KIF4A: variants seen among roughly 807,000 people sequenced by gnomAD.
KIF4A encodes chromosome-associated kinesin KIF4A.
In KIF4A, 7 loss-of-function variants were observed where a neutral mutation model predicts 105.9. The ratio of observed to expected loss-of-function variants is 0.07; its 90% confidence interval spans 0.04 to 0.12. The LOEUF is 0.12. Ranked by LOEUF, KIF4A falls within the 10% of genes least tolerant of loss-of-function variation. The pLI, the probability that KIF4A is intolerant of heterozygous loss-of-function variation, is 1.00. For missense variants in KIF4A, 558 were observed against 929.2 expected (o/e 0.60, Z 5.19); for synonymous variants, 281 against 331.3 (o/e 0.85, Z 1.65).
chrX:70,290,197 T>A (rs2085752085), intron 1 of KIF4A, 47 bp downstream of exon 1: 5 of 316,953 alleles, frequency 1.6e-5, no homozygotes, highest in Non-Finnish European at 2.7e-5. Context: ...TTTTACCCAG[T>A]ACCCTAGGGC....
In KIF4A at chrX:70,420,412, T is replaced by C; in HGVS notation, c.*147T>C. The C allele has an allele frequency of 1.2e-6, 1 of 852,214 alleles. No individual in the cohort carries two copies. The allele number at this position is 852,214 out of a possible 1,213,427, so 70.2% of individuals were successfully genotyped here. A position where few individuals can be genotyped will look rare whatever the true frequency, so the allele number is the denominator to read the frequency against. ...AAGCGTTACTGAAAAGAAGGTAACC[T>C]TTGTTGGATGTGGGCCTTAGCCTCC... On this transcript the variant is annotated 3_prime_UTR_variant, in exon 31 of 31. Transcript: ENST00000374403.
Position 70,368,490 on chromosome X carries a change from A to C in KIF4A, c.1675-5661A>C, listed in dbSNP as rs755487823. On this transcript the variant is annotated intron_variant, in intron 15 of 30. Coordinates refer to ENST00000374403, the MANE Select transcript of KIF4A (RefSeq NM_012310.5). ...ACAGTCAAGACCCTTAGCTGCAGGT[A>C]TGTTGGAGTTTGCTGGAGGTCCACT... Among the ~76,000 whole-genome samples the C allele has an allele frequency of 4.5e-5, 5 of 112,215 alleles. No individual in the cohort carries two copies. The East Asian group carries it at 1.4e-3, about 32-fold the overall frequency.
At chrX:70,348,860 G>A (rs778776995) in intron 13 of KIF4A, among the ~76,000 whole-genome samples, 105 of 112,284 alleles carry the variant, frequency 9.4e-4, no homozygotes, top group South Asian at 3.7e-3. Context: ...CTCAATGGTC[G>A]CTGTCTCTTC....
intron 7 of KIF4A, among the ~76,000 whole-genome samples, chrX:70,311,778 T>A (rs974258008): frequency 1.8e-5 from 2 of 109,156 alleles, no homozygotes; most frequent in African/African-American, 6.7e-5. Context: ...CTGAGCAACA[T>A]AGCGAGACCC....
intron 7 of KIF4A, 106 bp downstream of exon 7, chrX:70,302,504 C>A: frequency 1.3e-6 from 1 of 769,893 alleles, no homozygotes. Context: ...CTAACAGTAG[C>A]TACGATTCAG....
chrX:70,392,859 A>G (rs2147732558), intron 20 of KIF4A, among the ~76,000 whole-genome samples: 1 of 105,393 alleles, frequency 9.5e-6, no homozygotes, highest in Non-Finnish European at 1.9e-5. Flanking sequence ...AATAATAATA[A>G]TTATTATTAT....
At chrX:70,348,349 G>A (rs865935208) in intron 13 of KIF4A, among the ~76,000 whole-genome samples, 59 of 111,285 alleles carry the variant, frequency 5.3e-4, no homozygotes, top group African/African-American at 1.8e-3. Context: ...AAAGTTTTTT[G>A]TTTTTTTGTT....
At chrX:70,367,615 G>T (rs1469522402) in intron 15 of KIF4A, among the ~76,000 whole-genome samples, 1 of 112,277 alleles carries the variant, frequency 8.9e-6, no homozygotes, top group African/African-American at 3.2e-5. Flanking sequence ...TCTGCCAAGA[G>T]ATCAGCTGTT....
At chrX:70,349,501 G>A (rs767894756) in intron 13 of KIF4A, among the ~76,000 whole-genome samples, 22 of 99,943 alleles carry the variant, frequency 2.2e-4, no homozygotes, top group African/African-American at 7.1e-4. Context: ...CAGACGGGGC[G>A]GCTGCCGGGC....
At chrX:70,304,398 A>G (rs1242696315) in intron 7 of KIF4A, among the ~76,000 whole-genome samples, 2 of 99,008 alleles carry the variant, frequency 2.0e-5, no homozygotes, top group Admixed American at 1.1e-4. Flanking sequence ...TGCAATAAAC[A>G]TATGTGTGCA....
intron 22 of KIF4A, chrX:70,396,352 G>A (rs899080955): frequency 2.5e-5 from 4 of 158,444 alleles, no homozygotes; most frequent in South Asian, 3.2e-4. Flanking sequence ...CAACCCCCTC[G>A]CTGCTAAATT....
intron 3 of KIF4A, among the ~76,000 whole-genome samples, chrX:70,296,632 A>G: frequency 8.9e-6 from 1 of 112,427 alleles, no homozygotes; most frequent in Non-Finnish European, 1.9e-5. Context: ...TAATTTCTGT[A>G]ATTTAAAATT....
chrX:70,353,106 A>G (rs2086037810), intron 14 of KIF4A, among the ~76,000 whole-genome samples: 1 of 112,584 alleles, frequency 8.9e-6, no homozygotes, highest in East Asian at 2.8e-4. Flanking sequence ...TCACAAGGAT[A>G]GATAAAATGT....
Position 70,420,352 on chromosome X carries a change from G to A in KIF4A, c.*87G>A, listed in dbSNP as rs181098670. The A allele has an allele frequency of 5.0e-5, 53 of 1,064,948 alleles. No homozygotes were observed. In the African/African-American group the frequency reaches 7.2e-4, roughly 15 times the overall value. 87.8% of individuals were successfully genotyped at this position (1,064,948 alleles called of 1,213,427 possible). A position where few individuals can be genotyped will look rare whatever the true frequency, so the allele number is the denominator to read the frequency against. ...AAGGGGTTTTTTAAATGACTTCTCT[G>A]GATTTCAGGTTTCTTGCTGTTGAAA... On this transcript the variant is annotated 3_prime_UTR_variant, in exon 31 of 31. Transcript: ENST00000374403.
chrX:70,319,000 C>T (rs765108638), intron 7 of KIF4A, among the ~76,000 whole-genome samples: 9 of 111,558 alleles, frequency 8.1e-5, no homozygotes, highest in South Asian at 3.8e-4. Flanking sequence ...TGTGGTGGCT[C>T]GCGCCTGTAA....
chrX:70,381,050 G>A (rs2086195510), intron 18 of KIF4A, among the ~76,000 whole-genome samples: 1 of 111,198 alleles, frequency 9.0e-6, no homozygotes, highest in Non-Finnish European at 1.9e-5. Context: ...TTGAGAGGCT[G>A]AGGCACGAGA....
At chrX:70,380,832 G>T (rs2086194670) in intron 18 of KIF4A, among the ~76,000 whole-genome samples, 1 of 112,396 alleles carries the variant, frequency 8.9e-6, no homozygotes, top group African/African-American at 3.2e-5. Context: ...CACCAAGGTT[G>T]CAGAATATAA....
At chrX:70,412,925 TA>T (rs768422512) in intron 28 of KIF4A, among the ~76,000 whole-genome samples, 30 of 57,345 alleles carry the variant, frequency 5.2e-4, no homozygotes, top group African/African-American at 5.3e-4. Context: ...GACCCTGTCT[TA>T]AAAAAAAAAA....
intron 20 of KIF4A, among the ~76,000 whole-genome samples, chrX:70,390,658 C>CT (rs1411996376): frequency 9.0e-6 from 1 of 111,357 alleles, no homozygotes; most frequent in Non-Finnish European, 1.9e-5. Flanking sequence ...AAAATAAACC[C>CT]TTTTGTTGTA....
Sources: allele counts gnomAD v4.1 joint callset (sites outside exome capture counted in the v4.1 genomes callset), GRCh38; gene constraint gnomAD v4.1.1; transcripts MANE v1.5; gene names NCBI Gene and HGNC (gene_info 2026-07-23, HGNC 2026-07-21).